Variants in PDE4D observed in about 807,000 individuals in gnomAD.
PDE4D encodes the protein phosphodiesterase 4D, also known as 3',5'-cyclic-AMP phosphodiesterase 4D.
Under a neutral mutation model 87.4 loss-of-function variants are expected in PDE4D, and 24 were observed. The ratio of observed to expected loss-of-function variants is 0.27; its 90% CI spans 0.20 to 0.39. PDE4D has a LOEUF of 0.39. Ranked by LOEUF, PDE4D falls within the 10% of genes least tolerant of loss-of-function variation. The pLI is 1.00. For missense variants in PDE4D, 714 were observed against 1,041.0 expected (o/e 0.69, Z 4.32); for synonymous variants, 384 against 383.2 (o/e 1.00, Z -0.02).
chr5:60,020,879 C>T (rs1039059864), intron 2 of PDE4D, among the ~76,000 whole-genome samples: 1 of 152,204 alleles, frequency 6.6e-6, no homozygotes, highest in African/African-American at 2.4e-5. Flanking sequence ...TTCTCTCTCC[C>T]ATCCTAGACA....
intron 2 of PDE4D, among the ~76,000 whole-genome samples, chr5:60,103,289 G>C (rs1776438699): frequency 1.3e-5 from 2 of 152,180 alleles, no homozygotes; most frequent in African/African-American, 4.8e-5. Flanking sequence ...GCTCCTCTCT[G>C]CTTTTGGGTG....
At chr5:60,492,919 G>GA (rs910526310), upstream of PDE4D, among the ~76,000 whole-genome samples, 163 of 146,038 alleles carry the variant, frequency 1.1e-3, no homozygotes, top group African/African-American at 3.7e-3. Flanking sequence ...AAGAAGAAAA[G>GA]AAAAAAAAAA....
chr5:59,546,306 C>T (rs1026979877), intron 1 of PDE4D, among the ~76,000 whole-genome samples: 4 of 152,212 alleles, frequency 2.6e-5, no homozygotes, highest in African/African-American at 4.8e-5. Context: ...AGGGGACCCA[C>T]AAAGCCAAAA....
intron 1 of PDE4D, among the ~76,000 whole-genome samples, chr5:60,362,804 A>G (rs1379519425): frequency 6.6e-6 from 1 of 151,720 alleles, no homozygotes; most frequent in Non-Finnish European, 1.5e-5. Context: ...AGTTGCAGTG[A>G]GCTGAGATCA....
chr5:59,225,465 G>C (rs12656944), intron 1 of PDE4D, among the ~76,000 whole-genome samples: 1 of 151,906 alleles, frequency 6.6e-6, no homozygotes, highest in African/African-American at 2.4e-5. Flanking sequence ...TCTTTTTCAA[G>C]ATTGTTTTGA....
intron 5 of PDE4D, among the ~76,000 whole-genome samples, chr5:59,058,186 A>G (rs984461821): frequency 6.6e-6 from 1 of 152,198 alleles, no homozygotes; most frequent in Non-Finnish European, 1.5e-5. Context: ...CTTCTTTTCT[A>G]TAATATTTCC....
intron 1 of PDE4D, among the ~76,000 whole-genome samples, chr5:59,425,549 C>T (rs1402602956): frequency 6.6e-6 from 1 of 152,106 alleles, no homozygotes; most frequent in African/African-American, 2.4e-5. Flanking sequence ...AAAATCACTA[C>T]ACCCCTCAAT....
At chr5:59,798,240 C>A (rs60405997) in intron 1 of PDE4D, among the ~76,000 whole-genome samples, 29,962 of 143,344 alleles carry the variant, frequency 0.21, 6,374 homozygotes, top group African/African-American at 0.55. Context: ...CTCTCTCTCT[C>A]TATATATAAA....
intron 1 of PDE4D, among the ~76,000 whole-genome samples, chr5:59,254,282 T>C (rs948991676): frequency 3.9e-5 from 6 of 152,066 alleles, no homozygotes; most frequent in Non-Finnish European, 8.8e-5. Flanking sequence ...TATTTCTCAA[T>C]CCCAAGGTTC....
intron 1 of PDE4D, among the ~76,000 whole-genome samples, chr5:59,585,890 T>G (rs1238871914): frequency 1.3e-5 from 2 of 152,250 alleles, no homozygotes; most frequent in East Asian, 3.8e-4. Context: ...ATTTTAAAAT[T>G]GAGTCAACAT....
intron 1 of PDE4D, among the ~76,000 whole-genome samples, chr5:59,783,683 A>C (rs543638875): frequency 4.3e-4 from 65 of 152,372 alleles, no homozygotes; most frequent in African/African-American, 1.5e-3. Flanking sequence ...GATTCCATTC[A>C]GATGTGTTTA....
At chr5:59,360,630 T>C (rs985337060) in intron 1 of PDE4D, among the ~76,000 whole-genome samples, 4 of 152,178 alleles carry the variant, frequency 2.6e-5, no homozygotes, top group Non-Finnish European at 5.9e-5. Flanking sequence ...AAATCAACTA[T>C]AAGTTATTTC....
At chr5:59,596,827 A>G (rs946661972) in intron 1 of PDE4D, among the ~76,000 whole-genome samples, 1 of 152,096 alleles carries the variant, frequency 6.6e-6, no homozygotes, top group Non-Finnish European at 1.5e-5. Flanking sequence ...AAATGTCCTA[A>G]GTGAAATTGA....
In PDE4D at chr5:59,108,226, A is replaced by G. The variant is rs1771962923; in HGVS notation, c.809-69255T>C. 2.0e-5 allele frequency among the ~76,000 whole-genome samples: 3 copies of G among 152,330 alleles called. No homozygotes were observed. In the South Asian group the frequency reaches 6.2e-4, roughly 32 times the overall value. On this transcript the variant is annotated intron_variant, in intron 5 of 14. Transcript: ENST00000340635. ...TAAACCCAACTGGAGATTCAGATGTAGCACTGTCCTTCTACACTCACTAGT... is the reference window on the plus strand; with the variant it reads ...TAAACCCAACTGGAGATTCAGATGTGGCACTGTCCTTCTACACTCACTAGT...
chr5:60,025,960 G>A (rs1766578858), intron 2 of PDE4D, among the ~76,000 whole-genome samples: 1 of 152,116 alleles, frequency 6.6e-6, no homozygotes, highest in Admixed American at 6.6e-5. Context: ...TGGGTCACAT[G>A]GGATTGTCTA....
At chr5:59,220,764 C>G (rs1485755947) in intron 1 of PDE4D, among the ~76,000 whole-genome samples, 2 of 136,824 alleles carry the variant, frequency 1.5e-5, no homozygotes, top group Non-Finnish European at 3.2e-5. Context: ...GTAGCCCTAA[C>G]CTTAGATGCT....
intron 1 of PDE4D, among the ~76,000 whole-genome samples, chr5:60,258,561 A>G (rs1036951477): frequency 1.3e-5 from 2 of 152,016 alleles, no homozygotes; most frequent in African/African-American, 2.4e-5. Context: ...CAGTTTGCCA[A>G]TAAGTGTTTG....
chr5:59,524,988 G>C (rs1018508419), intron 1 of PDE4D, among the ~76,000 whole-genome samples: 1 of 152,198 alleles, frequency 6.6e-6, no homozygotes, highest in Non-Finnish European at 1.5e-5. Flanking sequence ...GCAGGGACGG[G>C]GCCCTCGTGG....
chr5:59,418,544 T>C (rs1793983004), intron 1 of PDE4D, among the ~76,000 whole-genome samples: 1 of 152,144 alleles, frequency 6.6e-6, no homozygotes, highest in Admixed American at 6.5e-5. Flanking sequence ...GCTGCCAAAA[T>C]ATTTTACTCC....
Sources: gnomAD v4.1 joint callset for allele counts (sites outside exome capture counted in the v4.1 genomes callset) on GRCh38, gnomAD v4.1.1 for gene constraint, MANE v1.5 for transcripts, NCBI Gene and HGNC (gene_info 2026-07-23, HGNC 2026-07-21) for gene names.